Variants in TMEFF1 observed in about 807,000 individuals in gnomAD.
The protein encoded by TMEFF1 is tomoregulin-1.
Under a neutral mutation model 47.5 loss-of-function variants are expected in TMEFF1, and 20 were observed. The ratio of observed to expected loss-of-function variants is 0.42; its 90% CI spans 0.30 to 0.61. The LOEUF (loss-of-function observed/expected upper bound fraction) is 0.61, where lower values mean the gene tolerates loss of function less well. TMEFF1 is among the 20% of genes least tolerant of loss of function. TMEFF1 has a pLI of 0.19. For missense variants in TMEFF1, 411 were observed against 471.1 expected (o/e 0.87, Z 1.18); for synonymous variants, 162 against 166.3 (o/e 0.97, Z 0.20).
intron 8 of TMEFF1, among the ~76,000 whole-genome samples, chr9:100,567,110 C>T (rs1839140245): frequency 6.6e-6 from 1 of 152,104 alleles, no homozygotes; most frequent in Non-Finnish European, 1.5e-5. Context: ...GCAGAAGGCC[C>T]TACAGTTTTG....
chr9:100,534,957 GGCTAGATGGTAAA>G (rs1252258397), intron 5 of TMEFF1, among the ~76,000 whole-genome samples: 1 of 152,048 alleles, frequency 6.6e-6, no homozygotes, highest in Admixed American at 6.6e-5. Context: ...TTTTGTAAAG[GGCTAGATGGTAAA>G]TATATCAGGC....
chr9:100,547,604 T>G (rs1461648871), intron 5 of TMEFF1, 140 bp from the exon 6 acceptor site: 2 of 1,058,444 alleles, frequency 1.9e-6, no homozygotes, highest in East Asian at 6.4e-5. Flanking sequence ...TTTACTTTGC[T>G]TAAGCTTTCA....
At chr9:100,527,900 A>C (rs34771409) in intron 5 of TMEFF1, among the ~76,000 whole-genome samples, 1 of 151,930 alleles carries the variant, frequency 6.6e-6, no homozygotes, top group Non-Finnish European at 1.5e-5. Flanking sequence ...ATCTGAGAAC[A>C]GGCAGACTGC....
intron 1 of TMEFF1, among the ~76,000 whole-genome samples, chr9:100,497,318 G>GTTTT (rs1328828062): frequency 1.2e-5 from 1 of 84,880 alleles, no homozygotes; most frequent in East Asian, 3.7e-4. Context: ...TTCCACTCAT[G>GTTTT]TCTTTTTTTT....
chr9:100,544,654 C>G lies in TMEFF1; in HGVS notation c.561-3090C>G, dbSNP rs550376911. Among the ~76,000 whole-genome samples the G allele has an allele frequency of 2.8e-3, 426 of 152,332 alleles. 2 individuals carry two copies. The highest frequency in any genetic ancestry group is 5.1e-3 in the Non-Finnish European group (350 of 68,032). On this transcript the variant is annotated intron_variant, in intron 5 of 9. Transcript: ENST00000374879. ...TTTCAAAACCAATCATGCCTTCTCA[C>G]CAGTCACCCAAAGTCTTAACTCATT...
At chr9:100,528,279 G>A (rs1227081088) in intron 5 of TMEFF1, among the ~76,000 whole-genome samples, 8 of 150,740 alleles carry the variant, frequency 5.3e-5, no homozygotes, top group African/African-American at 1.5e-4. Context: ...GGCTTCAGAC[G>A]ATCAAATTAC....
chr9:100,486,467 C>T (rs1837451293), intron 1 of TMEFF1, among the ~76,000 whole-genome samples: 1 of 152,062 alleles, frequency 6.6e-6, no homozygotes, highest in African/African-American at 2.4e-5. Flanking sequence ...GTCTTGAACC[C>T]CTGACCTCAG....
intron 7 of TMEFF1, among the ~76,000 whole-genome samples, chr9:100,552,980 G>C (rs769248278): frequency 6.6e-6 from 1 of 152,136 alleles, no homozygotes; most frequent in Non-Finnish European, 1.5e-5. Flanking sequence ...AGAAAGTTCT[G>C]TTGGATGCAC....
chr9:100,526,955 CAA>C (rs55736750), intron 5 of TMEFF1, among the ~76,000 whole-genome samples: 53 of 38,974 alleles, frequency 1.4e-3, no homozygotes, highest in Middle Eastern at 0.026. Context: ...GCTAAAAATA[CAA>C]AAAAAAAAAA....
chr9:100,506,164 A>G (rs1338911310), intron 2 of TMEFF1, among the ~76,000 whole-genome samples: 9 of 152,202 alleles, frequency 5.9e-5, no homozygotes, highest in Non-Finnish European at 1.3e-4. Flanking sequence ...GTAGCATGCC[A>G]TATGTATGCT....
chr9:100,518,554 T>G (rs1352392396), intron 5 of TMEFF1: 4 of 958,488 alleles, frequency 4.2e-6, no homozygotes, highest in Non-Finnish European at 5.0e-6. Context: ...GCAAGGAAAT[T>G]GATGCAACAA....
chr9:100,477,159 AGTTCTATGGCTTCATT>A (rs1837249898), intron 1 of TMEFF1, among the ~76,000 whole-genome samples: 1 of 152,170 alleles, frequency 6.6e-6, no homozygotes, highest in Non-Finnish European at 1.5e-5. Context: ...TATGAAGAGC[AGTTCTATGGCTTCATT>A]AAATTAATAG....
intron 8 of TMEFF1, among the ~76,000 whole-genome samples, chr9:100,569,155 T>C (rs13301847): frequency 0.028 from 4,285 of 152,296 alleles, 75 homozygotes; most frequent in Middle Eastern, 0.054. Flanking sequence ...TGCCAGACCG[T>C]TTTCCAAAGT....
chr9:100,567,601 G>T (rs1028223788), intron 8 of TMEFF1, among the ~76,000 whole-genome samples: 3 of 152,112 alleles, frequency 2.0e-5, no homozygotes, highest in African/African-American at 7.2e-5. Flanking sequence ...GTGGTAAATG[G>T]ATGTGTGAAT....
At chr9:100,518,575 C>A in intron 5 of TMEFF1, 1 of 867,188 alleles carries the variant, frequency 1.2e-6, no homozygotes. Flanking sequence ...GAGGAAAATA[C>A]GAAGGAAGCA....
rs1381351947 is a variant in TMEFF1, at chr9:100,547,900, C to T, written c.709+8C>T. The T allele has an allele frequency of 1.3e-6, 2 of 1,570,596 alleles. No individual in the cohort carries two copies. Among genetic ancestry groups the T allele is most frequent in the Admixed American group, 3.8e-5 (2 of 53,284 alleles). The stretch of plus-strand genomic sequence containing the variant: ...ATCTTGGTCATTGCACAGGTAAAAT[C>T]CATTTTATTTATTCAGAGACCCATC... On this transcript the variant is annotated splice_region_variant and intron_variant, in intron 6 of 9. Transcript: ENST00000374879.
chr9:100,552,349 GAGAT>G (rs1277169592), intron 7 of TMEFF1, among the ~76,000 whole-genome samples: 4 of 152,214 alleles, frequency 2.6e-5, no homozygotes, highest in African/African-American at 9.6e-5. Flanking sequence ...TTAGATATGA[GAGAT>G]AGAGAGTTAA....
At chr9:100,488,719 T>C (rs1376657052) in intron 1 of TMEFF1, among the ~76,000 whole-genome samples, 1 of 152,172 alleles carries the variant, frequency 6.6e-6, no homozygotes, top group Non-Finnish European at 1.5e-5. Context: ...AATGGAGGCA[T>C]AGGTGGTAAA....
chr9:100,503,727 C>T (rs1290375998), intron 2 of TMEFF1, among the ~76,000 whole-genome samples: 1 of 152,146 alleles, frequency 6.6e-6, no homozygotes, highest in Non-Finnish European at 1.5e-5. Context: ...AGGAGAAGAT[C>T]GATGTCCTAG....
Sources: allele counts gnomAD v4.1 joint callset (sites outside exome capture counted in the v4.1 genomes callset), GRCh38; gene constraint gnomAD v4.1.1; transcripts MANE v1.5; gene names NCBI Gene and HGNC (gene_info 2026-07-23, HGNC 2026-07-21).